The following FBXL7 variants were observed in gnomAD, a reference collection of about 807,000 sequenced individuals.
FBXL7 encodes the protein F-box and leucine rich repeat protein 7.
FBXL7 carries 12 observed loss-of-function variants against 38.3 expected under a neutral mutation model. The ratio of observed to expected loss-of-function variants is 0.31; its 90% CI spans 0.20 to 0.51. The LOEUF (loss-of-function observed/expected upper bound fraction) is 0.51, where lower values mean the gene tolerates loss of function less well. FBXL7 is among the 20% of genes least tolerant of loss of function. FBXL7 has a pLI of 0.98. For synonymous variants in FBXL7, 297 were observed against 300.9 expected (o/e 0.99, Z 0.13); for missense variants, 567 against 676.4 (o/e 0.84, Z 1.79).
intron 2 of FBXL7, among the ~76,000 whole-genome samples, chr5:15,904,323 C>A (rs1741304050): frequency 6.6e-6 from 1 of 152,098 alleles, no homozygotes; most frequent in Non-Finnish European, 1.5e-5. Context: ...AACTCATAAC[C>A]GTCATGTGAA....
intron 2 of FBXL7, among the ~76,000 whole-genome samples, chr5:15,654,983 G>C (rs925449385): frequency 2.6e-5 from 4 of 152,158 alleles, no homozygotes; most frequent in Non-Finnish European, 4.4e-5. Flanking sequence ...TGGCTCACAT[G>C]AATCTTATGC....
intron 2 of FBXL7, among the ~76,000 whole-genome samples, chr5:15,767,008 CTTTTA>C (rs1227439997): frequency 1.3e-5 from 2 of 151,890 alleles, no homozygotes; most frequent in Non-Finnish European, 2.9e-5. Flanking sequence ...TTTTCTTGAA[CTTTTA>C]TTTTAAGTTC....
intron 2 of FBXL7, among the ~76,000 whole-genome samples, chr5:15,823,432 T>C (rs1738225987): frequency 6.6e-6 from 1 of 152,214 alleles, no homozygotes; most frequent in Admixed American, 6.5e-5. Context: ...CTCACACATA[T>C]TTCCTAGAAG....
intron 1 of FBXL7, among the ~76,000 whole-genome samples, chr5:15,564,393 TG>T (rs1243153672): frequency 2.7e-5 from 4 of 149,988 alleles, no homozygotes; most frequent in African/African-American, 9.7e-5. Flanking sequence ...TGTGTGTGTG[TG>T]TGTGTGTGTG....
At chr5:15,734,079 C>T (rs1254481975) in intron 2 of FBXL7, among the ~76,000 whole-genome samples, 2 of 150,840 alleles carry the variant, frequency 1.3e-5, no homozygotes, top group Non-Finnish European at 2.9e-5. Flanking sequence ...TGTGCCACTG[C>T]ACCCCAGCCT....
intron 2 of FBXL7, among the ~76,000 whole-genome samples, chr5:15,737,756 A>G (rs934220360): frequency 6.6e-6 from 1 of 152,184 alleles, no homozygotes; most frequent in African/African-American, 2.4e-5. Flanking sequence ...CAAGTGCCCT[A>G]GTTCTCAATT....
intron 2 of FBXL7, among the ~76,000 whole-genome samples, chr5:15,653,312 C>T (rs192303168): frequency 1.3e-5 from 2 of 152,214 alleles, no homozygotes; most frequent in Admixed American, 6.5e-5. Context: ...GTAAAGAATG[C>T]AGTATTTATG....
intron 2 of FBXL7, among the ~76,000 whole-genome samples, chr5:15,861,766 C>T (rs1002641583): frequency 2.0e-5 from 3 of 152,190 alleles, no homozygotes; most frequent in Non-Finnish European, 4.4e-5. Flanking sequence ...CAGCCCTCTT[C>T]AGGTCACCTG....
chr5:15,743,235 G>C (rs1735936031), intron 2 of FBXL7, among the ~76,000 whole-genome samples: 1 of 152,116 alleles, frequency 6.6e-6, no homozygotes, highest in South Asian at 2.1e-4. Context: ...TCCCATCTGA[G>C]ACAAGGCAAG....
intron 2 of FBXL7, among the ~76,000 whole-genome samples, chr5:15,888,703 T>C (rs1049761666): frequency 6.6e-6 from 1 of 152,158 alleles, no homozygotes; most frequent in Non-Finnish European, 1.5e-5. Context: ...GCACTTCTCT[T>C]TCACGGCCCA....
intron 2 of FBXL7, among the ~76,000 whole-genome samples, chr5:15,709,352 G>C (rs1376569342): frequency 2.0e-5 from 3 of 151,994 alleles, no homozygotes; most frequent in Non-Finnish European, 4.4e-5. Context: ...TGGCCAACAT[G>C]GTACAACCCT....
At chr5:15,872,214 T>C (rs1269386155) in intron 2 of FBXL7, among the ~76,000 whole-genome samples, 2 of 152,086 alleles carry the variant, frequency 1.3e-5, no homozygotes, top group African/African-American at 4.8e-5. Context: ...TAAAATCCTT[T>C]CCAGACAAGG....
At chr5:15,767,966 A>C (rs111464343) in intron 2 of FBXL7, among the ~76,000 whole-genome samples, 1 of 152,138 alleles carries the variant, frequency 6.6e-6, no homozygotes, top group African/African-American at 2.4e-5. Flanking sequence ...AAAATTTACT[A>C]CTTTTGTCAT....
chr5:15,593,170 G>T (rs1228442836), intron 1 of FBXL7, among the ~76,000 whole-genome samples: 25 of 152,180 alleles, frequency 1.6e-4, no homozygotes, highest in Admixed American at 1.6e-3. Flanking sequence ...TTCCCTGCGT[G>T]CCCCTTCCTC....
At chr5:15,505,124 C>T (rs1244581056) in intron 1 of FBXL7, among the ~76,000 whole-genome samples, 1 of 152,166 alleles carries the variant, frequency 6.6e-6, no homozygotes, top group Non-Finnish European at 1.5e-5. Context: ...ACAAATCCAT[C>T]GCCACCTCAG....
At chr5:15,586,255 C>T (rs904621934) in intron 1 of FBXL7, among the ~76,000 whole-genome samples, 4 of 126,066 alleles carry the variant, frequency 3.2e-5, no homozygotes, top group African/African-American at 1.2e-4. Flanking sequence ...AAGTTTCTCC[C>T]CTCCCCTCCC....
At chr5:15,579,134 A>T (rs965988339) in intron 1 of FBXL7, among the ~76,000 whole-genome samples, 9 of 152,332 alleles carry the variant, frequency 5.9e-5, no homozygotes, top group Non-Finnish European at 1.0e-4. Flanking sequence ...TCCTAAACAC[A>T]GGTGGGAGGT....
At chr5:15,707,979 A>G (rs528508202) in intron 2 of FBXL7, among the ~76,000 whole-genome samples, 1 of 152,292 alleles carries the variant, frequency 6.6e-6, no homozygotes, top group African/African-American at 2.4e-5. Flanking sequence ...CTTTATAAAA[A>G]CAGCTTCTCT....
intron 1 of FBXL7, among the ~76,000 whole-genome samples, chr5:15,515,508 C>A (rs1736910221): frequency 6.6e-6 from 1 of 152,182 alleles, no homozygotes; most frequent in South Asian, 2.1e-4. Flanking sequence ...AAAACAGATA[C>A]CTCAATCATT....
Sources: gnomAD v4.1 joint callset for allele counts (sites outside exome capture counted in the v4.1 genomes callset) on GRCh38, gnomAD v4.1.1 for gene constraint, MANE v1.5 for transcripts, NCBI Gene and HGNC (gene_info 2026-07-23, HGNC 2026-07-21) for gene names.